LCA5L: variants seen among roughly 807,000 people sequenced by gnomAD.
LCA5L encodes the protein lebercilin LCA5 like.
LCA5L carries 35 observed loss-of-function variants against 45.4 expected under a neutral mutation model. That is an observed-to-expected ratio of 0.77 (90% CI 0.59 to 1.02). The LOEUF is 1.02. LCA5L is among the 50% of genes least tolerant of loss of function. The probability of loss-of-function intolerance (pLI) is 0.00; values close to 1 mark genes in which losing one functional copy is unlikely to be tolerated. For missense variants in LCA5L, 668 were observed against 761.6 expected (o/e 0.88, Z 1.45); for synonymous variants, 233 against 264.7 (o/e 0.88, Z 1.16).
chr21:39,406,825 G>T, intron 10 of LCA5L: 1 of 457,206 alleles, frequency 2.2e-6, no homozygotes, highest in South Asian at 4.7e-5. Context: ...CCAAGCAGAT[G>T]GGAATTATGA....
intron 3 of LCA5L, among the ~76,000 whole-genome samples, chr21:39,432,412 A>T (rs1404664653): frequency 6.6e-6 from 1 of 152,256 alleles, no homozygotes; most frequent in Non-Finnish European, 1.5e-5. Flanking sequence ...AAGATTTTAA[A>T]AAATGTATCA....
At chr21:39,407,442 G>A in intron 10 of LCA5L, among the ~76,000 whole-genome samples, 1 of 152,156 alleles carries the variant, frequency 6.6e-6, no homozygotes, top group East Asian at 1.9e-4. Context: ...TATACTCTTA[G>A]ACCTAACAAC....
At chr21:39,426,629 C>G (rs9979353) in intron 5 of LCA5L, among the ~76,000 whole-genome samples, 115,788 of 152,178 alleles carry the variant, frequency 0.76, 44,442 homozygotes, top group African/African-American at 0.84. Flanking sequence ...AGTGAAATAA[C>G]TAAAGATCTG....
chr21:39,433,325 G>A (rs2075936304), intron 3 of LCA5L, among the ~76,000 whole-genome samples: 1 of 151,244 alleles, frequency 6.6e-6, no homozygotes, highest in African/African-American at 2.4e-5. Context: ...GGCTGAGGCA[G>A]GAGAATTGCT....
At chr21:39,421,147 G>T (rs1284745199) in intron 6 of LCA5L, among the ~76,000 whole-genome samples, 1 of 148,686 alleles carries the variant, frequency 6.7e-6, no homozygotes, top group Non-Finnish European at 1.5e-5. Flanking sequence ...CTGTTGCCCA[G>T]GCTGGAATGC....
At chr21:39,425,245 G>T (rs1320442274) in intron 5 of LCA5L, among the ~76,000 whole-genome samples, 1 of 152,176 alleles carries the variant, frequency 6.6e-6, no homozygotes, top group Non-Finnish European at 1.5e-5. Flanking sequence ...TCCAAGTGTG[G>T]ACACATCTGA....
rs1426331110 is a variant in LCA5L at position 39,423,043 on chromosome 21, C to T, written c.770G>A (p.Arg257Lys). Reference protein sequence around the residue: ...KLSEDKNLAEREELTHKLSII... With the variant: ...KLSEDKNLAEKEELTHKLSII... The stretch of plus-strand genomic sequence containing the variant: ...AGATAATTTATGAGTGAGTTCTTCC[C>T]TTTCTGCAAGGTTTTTGTCTTCAGA... The change falls in exon 6 of 11, where the codon AGG (arginine) becomes AAG (lysine). Residue 257 changes from arginine to lysine, a missense_variant. Coordinates refer to ENST00000288350, the MANE Select transcript of LCA5L (RefSeq NM_152505.4). 1 of 1,614,100 alleles carries T rather than the reference C, an allele frequency of 6.2e-7. No homozygotes were observed. The highest frequency in any genetic ancestry group is 1.7e-5 in the Admixed American group (1 of 60,024).
At chr21:39,412,171 GT>G (rs1207213924) in intron 7 of LCA5L, among the ~76,000 whole-genome samples, 6 of 152,104 alleles carry the variant, frequency 3.9e-5, no homozygotes, top group Non-Finnish European at 8.8e-5. Flanking sequence ...TAAAATTTAG[GT>G]CGTCAGCCAC....
rs141944264 is a variant in LCA5L at position 39,435,724 on chromosome 21, C to T, written c.-245-151G>A. Among the ~76,000 whole-genome samples, 1,154 of 152,262 alleles carry T rather than the reference C, an allele frequency of 7.6e-3. 6 individuals are homozygous for T. The highest frequency in any genetic ancestry group is 0.012 in the Non-Finnish European group (822 of 68,016). ...GGTCTTGGCTCACTGCAACCTCTGC[C>T]TCCCAGGTTCAAGCAATTCTCCTGC... is the stretch of plus-strand genomic sequence containing the variant. On this transcript the variant is annotated intron_variant, in intron 2 of 10. Coordinates refer to ENST00000288350, the MANE Select transcript of LCA5L (RefSeq NM_152505.4).
intron 2 of LCA5L, among the ~76,000 whole-genome samples, chr21:39,440,379 C>T (rs2076711879): frequency 6.6e-6 from 1 of 152,064 alleles, no homozygotes; most frequent in African/African-American, 2.4e-5. Context: ...CTGAGCAACA[C>T]AGGGAGATGC....
At chr21:39,417,850 C>T (rs2041530725) in intron 7 of LCA5L, among the ~76,000 whole-genome samples, 1 of 152,170 alleles carries the variant, frequency 6.6e-6, no homozygotes, top group Non-Finnish European at 1.5e-5. Flanking sequence ...ACTGCAAGCT[C>T]CGCCTCCCGA....
At chr21:39,438,587 T>C (rs2076509669) in intron 2 of LCA5L, 2 of 152,216 alleles carry the variant, frequency 1.3e-5, no homozygotes, top group South Asian at 4.1e-4. Context: ...AAATAATCCA[T>C]TAGTAAAATG....
At chr21:39,426,944 C>T (rs374554890) in intron 5 of LCA5L, among the ~76,000 whole-genome samples, 2 of 152,172 alleles carry the variant, frequency 1.3e-5, no homozygotes, top group African/African-American at 4.8e-5. Context: ...TACAAACACA[C>T]ATAGACACAA....
chr21:39,441,279 C>T (rs1352059873), intron 2 of LCA5L, among the ~76,000 whole-genome samples: 1 of 152,088 alleles, frequency 6.6e-6, no homozygotes, highest in Non-Finnish European at 1.5e-5. Context: ...ACATTCCAGC[C>T]TGAGGGATGG....
chr21:39,406,068 C>G lies in LCA5L; in HGVS notation c.1827G>C (p.Leu609Phe), dbSNP rs1015400089. 3.1e-6 allele frequency: 5 copies of G among 1,614,168 alleles called. No homozygotes were observed. The East Asian group carries it at 1.1e-4, about 36-fold the overall frequency. Residue 609 changes from leucine to phenylalanine, a missense_variant, in exon 11 of 11, where the codon TTG (leucine) becomes TTC (phenylalanine). Physicochemically the swap from Leu to Phe is conservative, Grantham distance 22 (BLOSUM62 0). Transcript: ENST00000288350. ...CACCAGGACTTGATTGGTCAGTTTT[C>G]AAGACATAGCCTGATCCAAAGAGTT... ...MEELFGSGYVLKTDQSSPGVA... is the reference protein window; with the variant it reads ...MEELFGSGYVFKTDQSSPGVA...
intron 6 of LCA5L, chr21:39,422,288 G>A (rs569904297): frequency 1.7e-4 from 26 of 152,322 alleles, no homozygotes; most frequent in African/African-American, 6.3e-4. Context: ...ACTCAAACTA[G>A]CTAATGTAAG....
chr21:39,433,828 G>A (rs559879675), intron 3 of LCA5L, among the ~76,000 whole-genome samples: 3 of 146,368 alleles, frequency 2.0e-5, no homozygotes, highest in Non-Finnish European at 3.0e-5. Flanking sequence ...GCAGTGGCAC[G>A]ATCTTGGCTC....
At chr21:39,419,102 A>C (rs1421228579) in intron 7 of LCA5L, among the ~76,000 whole-genome samples, 1 of 152,168 alleles carries the variant, frequency 6.6e-6, no homozygotes, top group East Asian at 1.9e-4. Flanking sequence ...TGATACCAAC[A>C]TAATTCATCA....
intron 3 of LCA5L, among the ~76,000 whole-genome samples, chr21:39,433,729 A>G (rs775590739): frequency 6.8e-6 from 1 of 147,422 alleles, no homozygotes; most frequent in Non-Finnish European, 1.5e-5. Context: ...GTTTCTCTAT[A>G]TTCATACCAA....
Sources: allele counts gnomAD v4.1 joint callset (sites outside exome capture counted in the v4.1 genomes callset), GRCh38; gene constraint gnomAD v4.1.1; transcripts MANE v1.5; gene names NCBI Gene and HGNC (gene_info 2026-07-23, HGNC 2026-07-21).